The following LMBR1 variants were observed in gnomAD, a reference collection of about 807,000 sequenced individuals.
LMBR1 encodes limb region 1 protein homolog.
LMBR1 carries 52 observed loss-of-function variants against 73.9 expected under a neutral mutation model. The observed-to-expected ratio is 0.70, with a 90% CI of 0.56 to 0.89. LMBR1 has a LOEUF of 0.89. Ranked by LOEUF, LMBR1 falls within the 40% of genes least tolerant of loss-of-function variation. The pLI is 0.00. For missense variants in LMBR1, 539 were observed against 579.8 expected (o/e 0.93, Z 0.72); for synonymous variants, 215 against 209.4 (o/e 1.03, Z -0.23).
chr7:156,778,032 G>A lies in LMBR1; in HGVS notation c.424-14237C>T, dbSNP rs917925697. Among the ~76,000 whole-genome samples the A allele has an allele frequency of 5.3e-5, 8 of 152,156 alleles. No homozygotes were observed. In the South Asian group the frequency reaches 1.2e-3, roughly 24 times the overall value. Reference sequence around the variant, plus strand: ...TACTGCCACCATACCCATCCAAGACGATGATTTTTCTATTATAGGTACACA... The same window carrying A: ...TACTGCCACCATACCCATCCAAGACAATGATTTTTCTATTATAGGTACACA... On this transcript the variant is annotated intron_variant, in intron 5 of 16. Coordinates refer to ENST00000353442, the MANE Select transcript of LMBR1 (RefSeq NM_022458.4).
chr7:156,757,865 A>G (rs1563290311), intron 8 of LMBR1, among the ~76,000 whole-genome samples: 1 of 152,230 alleles, frequency 6.6e-6, no homozygotes, highest in Non-Finnish European at 1.5e-5. Flanking sequence ...CCTATGACCT[A>G]GCACTGAACT....
chr7:156,755,861 G>A (rs936355156), intron 9 of LMBR1, among the ~76,000 whole-genome samples: 1 of 152,140 alleles, frequency 6.6e-6, no homozygotes, highest in Non-Finnish European at 1.5e-5. Flanking sequence ...AAGAAAGTAG[G>A]TAGATACCTG....
intron 4 of LMBR1, among the ~76,000 whole-genome samples, chr7:156,806,077 G>A (rs1466807892): frequency 6.6e-6 from 1 of 152,046 alleles, no homozygotes; most frequent in Non-Finnish European, 1.5e-5. Context: ...CCCAGTCTAT[G>A]GTATTGTTAT....
rs1166370690 is a variant in LMBR1, at chr7:156,754,968, T to G, written c.757+1425A>C. Among the ~76,000 whole-genome samples the G allele has an allele frequency of 2.6e-5, 4 of 152,326 alleles. No homozygotes were observed. The East Asian group carries it at 7.7e-4, about 29-fold the overall frequency. ...GCAAACAGCAAAATCATAATTATCC[T>G]AACACATCACTTAAAGAGTTTCACT... On this transcript the variant is annotated intron_variant, in intron 9 of 16. Transcript: ENST00000353442.
intron 1 of LMBR1, among the ~76,000 whole-genome samples, chr7:156,859,984 C>T (rs1454233020): frequency 6.6e-6 from 1 of 152,072 alleles, no homozygotes; most frequent in Non-Finnish European, 1.5e-5. Flanking sequence ...TAAATAAACC[C>T]ACACAATATG....
intron 5 of LMBR1, among the ~76,000 whole-genome samples, chr7:156,776,817 T>G (rs1429405473): frequency 1.3e-5 from 2 of 152,132 alleles, no homozygotes; most frequent in African/African-American, 2.4e-5. Flanking sequence ...TCAAAAAAAC[T>G]TTGTATTATA....
intron 15 of LMBR1, among the ~76,000 whole-genome samples, chr7:156,718,063 T>C (rs1399777711): frequency 6.6e-6 from 1 of 152,156 alleles, no homozygotes; most frequent in African/African-American, 2.4e-5. Flanking sequence ...TGAAATAATT[T>C]GTTCATCTAT....
chr7:156,762,024 T>C (rs909933013), intron 8 of LMBR1, 110 bp downstream of exon 8: 2 of 601,276 alleles, frequency 3.3e-6, no homozygotes, highest in Non-Finnish European at 5.8e-6. Context: ...GTGATAAACA[T>C]ACAAAACATA....
chr7:156,715,788 A>G (rs1813081103), intron 15 of LMBR1, among the ~76,000 whole-genome samples: 1 of 152,178 alleles, frequency 6.6e-6, no homozygotes, highest in Admixed American at 6.5e-5. Context: ...ATATTCCATT[A>G]TTGTTTATGT....
chr7:156,872,062 T>C (rs1206961983), intron 1 of LMBR1: 1 of 152,162 alleles, frequency 6.6e-6, no homozygotes, highest in Non-Finnish European at 1.5e-5. Flanking sequence ...TTAAAACTGT[T>C]AGAACCAATA....
chr7:156,834,135 A>T (rs777540418), intron 2 of LMBR1, among the ~76,000 whole-genome samples: 1 of 152,208 alleles, frequency 6.6e-6, no homozygotes, highest in Non-Finnish European at 1.5e-5. Flanking sequence ...AATAAATAAA[A>T]TTTTCTGGGT....
intron 15 of LMBR1, among the ~76,000 whole-genome samples, chr7:156,696,281 T>C (rs1460940579): frequency 6.6e-6 from 1 of 152,206 alleles, no homozygotes; most frequent in Non-Finnish European, 1.5e-5. Context: ...GACAGGTAAC[T>C]AAATGGAAGA....
intron 15 of LMBR1, among the ~76,000 whole-genome samples, chr7:156,697,502 G>A (rs1808566091): frequency 6.6e-6 from 1 of 152,126 alleles, no homozygotes; most frequent in Non-Finnish European, 1.5e-5. Context: ...AACCGCATAA[G>A]ACAGTCATTC....
chr7:156,849,719 G>C (rs1795985952), intron 1 of LMBR1, among the ~76,000 whole-genome samples: 1 of 152,140 alleles, frequency 6.6e-6, no homozygotes, highest in Non-Finnish European at 1.5e-5. Context: ...GAACTTTTAA[G>C]GACAGTGAAA....
intron 15 of LMBR1, among the ~76,000 whole-genome samples, chr7:156,699,118 G>A (rs1352892129): frequency 6.6e-6 from 1 of 152,074 alleles, no homozygotes; most frequent in Non-Finnish European, 1.5e-5. Flanking sequence ...TCTAGGGCAG[G>A]GGCAAAATGC....
intron 15 of LMBR1, among the ~76,000 whole-genome samples, chr7:156,693,840 A>G (rs1455757692): frequency 2.0e-5 from 3 of 152,228 alleles, no homozygotes; most frequent in Admixed American, 1.3e-4. Context: ...CAACAAAAGT[A>G]AAGAAAACTA....
At chr7:156,841,271 C>A (rs1285765196) in intron 1 of LMBR1, among the ~76,000 whole-genome samples, 1 of 152,108 alleles carries the variant, frequency 6.6e-6, no homozygotes, top group Admixed American at 6.5e-5. Flanking sequence ...ACTGTTGAAT[C>A]TGACATACAT....
chr7:156,761,852 C>A (rs1823062042), intron 8 of LMBR1, among the ~76,000 whole-genome samples: 1 of 152,000 alleles, frequency 6.6e-6, no homozygotes, highest in South Asian at 2.1e-4. Flanking sequence ...TGGCAGGGGC[C>A]TGTAGTCCCA....
chr7:156,671,513 A>G (rs986288149), intron 4 of LMBR1, among the ~76,000 whole-genome samples: 1 of 152,254 alleles, frequency 6.6e-6, no homozygotes, highest in African/African-American at 2.4e-5. Flanking sequence ...GTACAAATAT[A>G]TCATTATAAA....
Sources: allele counts gnomAD v4.1 joint callset (sites outside exome capture counted in the v4.1 genomes callset), GRCh38; gene constraint gnomAD v4.1.1; transcripts MANE v1.5; gene names NCBI Gene and HGNC (gene_info 2026-07-23, HGNC 2026-07-21).